GALNT7: variants seen among roughly 807,000 people sequenced by gnomAD.
GALNT7 encodes the protein N-acetylgalactosaminyltransferase 7.
Under a neutral mutation model 82.1 loss-of-function variants are expected in GALNT7, and 60 were observed. The ratio of observed to expected loss-of-function variants is 0.73; its 90% CI spans 0.59 to 0.91. The LOEUF (loss-of-function observed/expected upper bound fraction) is 0.91. Ranked by LOEUF, GALNT7 falls within the 40% of genes least tolerant of loss-of-function variation. GALNT7 has a pLI of 0.00. For missense variants in GALNT7, 660 were observed against 804.2 expected (o/e 0.82, Z 2.17); for synonymous variants, 243 against 275.1 (o/e 0.88, Z 1.15).
At chr4:173,252,039 A>G (rs1734865121) in intron 2 of GALNT7, among the ~76,000 whole-genome samples, 2 of 152,228 alleles carry the variant, frequency 1.3e-5, no homozygotes, top group South Asian at 4.1e-4. Context: ...ATACTTTTCT[A>G]AGTAAAATTA....
chr4:173,207,090 T>C (rs1733123621), intron 1 of GALNT7, among the ~76,000 whole-genome samples: 1 of 152,196 alleles, frequency 6.6e-6, no homozygotes, highest in African/African-American at 2.4e-5. Context: ...TGTATGTTGC[T>C]GTGTGTCTAA....
At chr4:173,269,650 G>A (rs1055922647) in intron 2 of GALNT7, among the ~76,000 whole-genome samples, 4 of 152,110 alleles carry the variant, frequency 2.6e-5, no homozygotes, top group Non-Finnish European at 5.9e-5. Flanking sequence ...ATGCTGTATT[G>A]AATCTATTTA....
rs141771891 is a variant in GALNT7 at position 173,171,662 on chromosome 4, C to A, written c.126+2701C>A. 5.3e-3 allele frequency among the ~76,000 whole-genome samples: 805 copies of A among 152,302 alleles called. 9 individuals carry two copies. The highest frequency in any genetic ancestry group is 0.019 in the African/African-American group (774 of 41,566). ...CCCATCTCTGGGCCTCTTGCCCTTT[C>A]TCTGAAGTGAATGATGTGAAAAATG... On this transcript the variant is annotated intron_variant, in intron 1 of 11. Transcript: ENST00000265000.
chr4:173,233,322 A>G lies in GALNT7; in HGVS notation c.127-14658A>G, dbSNP rs148178078. Among the ~76,000 whole-genome samples, 1,282 of 152,326 alleles carry G rather than the reference A, an allele frequency of 8.4e-3. 14 individuals carry two copies. Among genetic ancestry groups the G allele is most frequent in the Middle Eastern group, 0.061 (18 of 294 alleles). ...CTGAGAAACCTCCATACTGTTTTCC[A>G]TAATGGCTGTTGTAACTTACATTCT... On this transcript the variant is annotated intron_variant, in intron 1 of 11. Transcript: ENST00000265000.
At chr4:173,196,374 C>T (rs1414934679) in intron 1 of GALNT7, among the ~76,000 whole-genome samples, 1 of 152,160 alleles carries the variant, frequency 6.6e-6, no homozygotes, top group Non-Finnish European at 1.5e-5. Context: ...ATCTACCCGC[C>T]TCAGCATCCC....
chr4:173,285,073 T>C (rs900570154), intron 2 of GALNT7, among the ~76,000 whole-genome samples: 11 of 152,252 alleles, frequency 7.2e-5, no homozygotes, highest in Non-Finnish European at 1.0e-4. Flanking sequence ...CTTTGCAAGA[T>C]TAATATTTAC....
chr4:173,280,123 T>C (rs1425230814), intron 2 of GALNT7, among the ~76,000 whole-genome samples: 1 of 152,228 alleles, frequency 6.6e-6, no homozygotes, highest in East Asian at 1.9e-4. Flanking sequence ...TTGAGACTCC[T>C]AGTGAATGGT....
At chr4:173,321,118 A>G (rs145774813) in intron 11 of GALNT7, among the ~76,000 whole-genome samples, 254 of 152,288 alleles carry the variant, frequency 1.7e-3, no homozygotes, top group African/African-American at 5.8e-3. Flanking sequence ...GAAGAAACCT[A>G]CAGCATATGG....
intron 2 of GALNT7, among the ~76,000 whole-genome samples, chr4:173,266,273 A>AAAAAG (rs2126777272): frequency 6.6e-6 from 1 of 152,324 alleles, no homozygotes; most frequent in East Asian, 1.9e-4. Flanking sequence ...AAGGAAAAAG[A>AAAAAG]AAAAGAAAAG....
chr4:173,270,635 T>A (rs1165494502), intron 2 of GALNT7, among the ~76,000 whole-genome samples: 1 of 152,224 alleles, frequency 6.6e-6, no homozygotes, highest in East Asian at 1.9e-4. Context: ...CCACATGAAA[T>A]GCTTTAAAGT....
intron 2 of GALNT7, among the ~76,000 whole-genome samples, chr4:173,283,548 G>A (rs56052513): frequency 1.3e-5 from 2 of 151,520 alleles, no homozygotes; most frequent in Non-Finnish European, 2.9e-5. Flanking sequence ...GCTGAAGCAG[G>A]AGAATCCCTT....
intron 2 of GALNT7, among the ~76,000 whole-genome samples, chr4:173,257,067 A>G (rs986045990): frequency 5.3e-5 from 8 of 152,224 alleles, no homozygotes; most frequent in African/African-American, 1.7e-4. Flanking sequence ...ACACATGTAG[A>G]TCTTTACCTC....
At chr4:173,179,293 T>C (rs1349374261) in intron 1 of GALNT7, among the ~76,000 whole-genome samples, 1 of 152,222 alleles carries the variant, frequency 6.6e-6, no homozygotes, top group Admixed American at 6.5e-5. Context: ...GTCAGCATTT[T>C]TATTTATTAA....
At chr4:173,265,949 T>C (rs1340497767) in intron 2 of GALNT7, among the ~76,000 whole-genome samples, 1 of 151,884 alleles carries the variant, frequency 6.6e-6, no homozygotes, top group Non-Finnish European at 1.5e-5. Context: ...TCATAATATA[T>C]TAAATGTGTC....
In GALNT7 at chr4:173,178,052, T is replaced by TGTGCGCGCGCGC. The variant is rs563102408; in HGVS notation, c.126+9092_126+9093insTGCGCGCGCGCG. Among the ~76,000 whole-genome samples the TGTGCGCGCGCGC allele has an allele frequency of 9.0e-4, 117 of 129,510 alleles. 2 individuals are homozygous for TGTGCGCGCGCGC. Among genetic ancestry groups the TGTGCGCGCGCGC allele is most frequent in the South Asian group, 5.0e-3 (19 of 3,832 alleles). The allele number at this position is 129,510 out of a possible 152,430, so 85.0% of individuals were successfully genotyped here. On this transcript the variant is annotated intron_variant, in intron 1 of 11. Transcript: ENST00000265000. ...GTGTGTGTGTGTGTGTGTGTGTGTG[T>TGTGCGCGCGCGC]GCGCGCACGCGCGTGCGCACAGACA... is the stretch of plus-strand genomic sequence containing the variant.
chr4:173,181,539 A>C lies in GALNT7; in HGVS notation c.126+12578A>C, dbSNP rs150128343. Among the ~76,000 whole-genome samples, 802 of 152,360 alleles carry C rather than the reference A, an allele frequency of 5.3e-3. 9 individuals are homozygous for C. Among genetic ancestry groups the C allele is most frequent in the African/African-American group, 0.019 (771 of 41,576 alleles). On this transcript the variant is annotated intron_variant, in intron 1 of 11. Transcript: ENST00000265000. ...AGAAATACATTTTCTGTATGAAATTAAGATAACTCTATTCCTCTTCTTATA... is the reference window on the plus strand; with the variant it reads ...AGAAATACATTTTCTGTATGAAATTCAGATAACTCTATTCCTCTTCTTATA...
chr4:173,186,160 C>T (rs1001060019), intron 1 of GALNT7, among the ~76,000 whole-genome samples: 6 of 152,160 alleles, frequency 3.9e-5, no homozygotes, highest in Admixed American at 1.3e-4. Context: ...AAAAAAATTG[C>T]GTTGATAACC....
At chr4:173,261,632 C>A (rs867614274) in intron 2 of GALNT7, among the ~76,000 whole-genome samples, 1 of 152,172 alleles carries the variant, frequency 6.6e-6, no homozygotes, top group Middle Eastern at 3.4e-3. Context: ...GCCTGGCCAA[C>A]ATGGTGAAAC....
At position 173,323,425 on chromosome 4, in the gene GALNT7, G is replaced by A. The variant is rs1026407972; in HGVS notation, c.*1708G>A. 9 of 152,430 alleles carry A rather than the reference G, an allele frequency of 5.9e-5. No individual in the cohort carries two copies. The highest frequency in any genetic ancestry group is 2.2e-4 in the African/African-American group (9 of 41,402). The allele number at this position is 152,430 out of a possible 1,614,324, so 9.4% of individuals were successfully genotyped here. A position where few individuals can be genotyped will look rare whatever the true frequency, so the allele number is the denominator to read the frequency against. The stretch of plus-strand genomic sequence containing the variant: ...AACCATTTTAACTTTCATCTCTAGG[G>A]ATGTTTAACATTTATAATTGCAAAA... On this transcript the variant is annotated 3_prime_UTR_variant, in exon 12 of 12. Coordinates refer to ENST00000265000, the MANE Select transcript of GALNT7 (RefSeq NM_017423.3).
Sources: gnomAD v4.1 joint callset for allele counts (sites outside exome capture counted in the v4.1 genomes callset) on GRCh38, gnomAD v4.1.1 for gene constraint, MANE v1.5 for transcripts, NCBI Gene and HGNC (gene_info 2026-07-23, HGNC 2026-07-21) for gene names.